Variants in OSTM1 observed in about 807,000 individuals in gnomAD.
The protein encoded by OSTM1 is osteopetrosis-associated transmembrane protein 1.
A neutral mutation model predicts 35.4 loss-of-function variants in OSTM1; 26 were observed. The observed-to-expected ratio is 0.73, with a 90% CI of 0.54 to 1.02. The LOEUF is 1.02. Among genes scored for constraint, OSTM1 ranks in the 50% least tolerant of loss-of-function variants. The pLI, the probability that OSTM1 is intolerant of heterozygous loss-of-function variation, is 0.00. For synonymous variants in OSTM1, 181 were observed against 165.0 expected, an observed-to-expected ratio of 1.10 and a Z score of -0.75; for missense variants, 366 against 409.6, an observed-to-expected ratio of 0.89 and a Z score of 0.92.
Position 108,058,901 on chromosome 6 carries a change from G to T in OSTM1, c.518-4314C>A, listed in dbSNP as rs573082431. Reference sequence around the variant, plus strand: ...AACTGAAAGTTAGTTTTCCTCTGATGAATCAGAATATACATCGGGATTACA... The same window carrying T: ...AACTGAAAGTTAGTTTTCCTCTGATTAATCAGAATATACATCGGGATTACA... On this transcript the variant is annotated intron_variant, in intron 2 of 5. Transcript: ENST00000193322. Among the ~76,000 whole-genome samples the T allele has an allele frequency of 4.0e-4, 61 of 152,300 alleles. 1 individual carries two copies. The South Asian group carries it at 0.012, about 29-fold the overall frequency.
chr6:108,074,735 C>G lies in OSTM1; in HGVS notation c.-84G>C. The G allele has an allele frequency of 7.2e-7, 1 of 1,387,776 alleles. No homozygotes were observed. Among genetic ancestry groups the G allele is most frequent in the Non-Finnish European group, 9.4e-7 (1 of 1,069,344 alleles). The allele number at this position is 1,387,776 out of a possible 1,614,324, so 86.0% of individuals were successfully genotyped here. A position where few individuals can be genotyped will look rare whatever the true frequency, so the allele number is the denominator to read the frequency against. On this transcript the variant is annotated 5_prime_UTR_variant, in exon 1 of 6. Coordinates refer to ENST00000193322, the MANE Select transcript of OSTM1 (RefSeq NM_014028.4). ...GCGGACAGCCGCCGCTTCCGGTTTC[C>G]GCGAGCGCAGGCCGAGAGCCGGGTC...
intron 4 of OSTM1, 88 bp downstream of exon 4, chr6:108,050,943 C>T: frequency 1.8e-6 from 2 of 1,110,134 alleles, no homozygotes; most frequent in Non-Finnish European, 2.7e-6. Flanking sequence ...TATGCAGATT[C>T]CACCCTATCA....
intron 5 of OSTM1, among the ~76,000 whole-genome samples, chr6:108,045,131 T>A (rs1392431537): frequency 1.3e-5 from 2 of 152,198 alleles, no homozygotes; most frequent in African/African-American, 4.8e-5. Context: ...GTGAAATAAA[T>A]GTACTTAGAC....
chr6:108,071,781 T>G (rs1217850582), intron 1 of OSTM1, among the ~76,000 whole-genome samples: 1 of 152,064 alleles, frequency 6.6e-6, no homozygotes, highest in Non-Finnish European at 1.5e-5. Context: ...TAGGATGAGT[T>G]GGAGAGAAAA....
chr6:108,049,519 A>C, intron 4 of OSTM1, 101 bp from the exon 5 acceptor site: 1 of 1,572,606 alleles, frequency 6.4e-7, no homozygotes, highest in South Asian at 1.2e-5. Context: ...TAGAATTTAG[A>C]CTCAATACAT....
chr6:108,055,927 T>C (rs955062877), intron 2 of OSTM1, among the ~76,000 whole-genome samples: 1 of 152,154 alleles, frequency 6.6e-6, no homozygotes, highest in Non-Finnish European at 1.5e-5. Context: ...CCACCTTATT[T>C]AGAAATTCAG....
At chr6:108,046,491 G>T (rs1771976473) in intron 5 of OSTM1, among the ~76,000 whole-genome samples, 1 of 147,050 alleles carries the variant, frequency 6.8e-6, no homozygotes, top group South Asian at 2.1e-4. Flanking sequence ...ACAGGCGTCT[G>T]CCACCACGCC....
At chr6:108,060,790 T>C (rs1772259360) in intron 2 of OSTM1, 1 of 152,164 alleles carries the variant, frequency 6.6e-6, no homozygotes, top group Non-Finnish European at 1.5e-5. Flanking sequence ...ATAAATTTAG[T>C]CACATCTGTC....
At chr6:108,061,353 CCTT>C (rs1195125722) in intron 2 of OSTM1, among the ~76,000 whole-genome samples, 27 of 152,214 alleles carry the variant, frequency 1.8e-4, no homozygotes, top group Admixed American at 9.8e-4. Flanking sequence ...TTTAATCTAT[CCTT>C]CTATTTCCAA....
At chr6:108,046,420 C>T (rs1771975446) in intron 5 of OSTM1, among the ~76,000 whole-genome samples, 1 of 150,548 alleles carries the variant, frequency 6.6e-6, no homozygotes, top group Admixed American at 6.6e-5. Flanking sequence ...CAGCTCACTG[C>T]AACCTCTGCC....
chr6:108,068,857 C>T (rs969008344), intron 1 of OSTM1, among the ~76,000 whole-genome samples: 4 of 152,166 alleles, frequency 2.6e-5, no homozygotes, highest in African/African-American at 9.7e-5. Context: ...CTTAACATAC[C>T]CTACAAGGCC....
Position 108,074,739 on chromosome 6 carries a change from A to T in OSTM1, c.-88T>A, listed in dbSNP as rs1352935324. ...ACAGCCGCCGCTTCCGGTTTCCGCG[A>T]GCGCAGGCCGAGAGCCGGGTCACGA... On this transcript the variant is annotated 5_prime_UTR_variant, in exon 1 of 6. Coordinates refer to ENST00000193322, the MANE Select transcript of OSTM1 (RefSeq NM_014028.4). 2 of 1,374,258 alleles carry T rather than the reference A, an allele frequency of 1.5e-6. No individual in the cohort carries two copies. Among genetic ancestry groups the T allele is most frequent in the Non-Finnish European group, 9.4e-7 (1 of 1,059,156 alleles). The allele number at this position is 1,374,258 out of a possible 1,614,324, so 85.1% of individuals were successfully genotyped here.
chr6:108,048,952 C>T (rs761758493), intron 5 of OSTM1, among the ~76,000 whole-genome samples: 13 of 151,886 alleles, frequency 8.6e-5, no homozygotes, highest in African/African-American at 2.9e-4. Flanking sequence ...GGGGTTTCAC[C>T]GTGTTAGCCA....
chr6:108,070,037 ATT>A (rs369002554), intron 1 of OSTM1, among the ~76,000 whole-genome samples: 1 of 147,932 alleles, frequency 6.8e-6, no homozygotes, highest in East Asian at 2.0e-4. Flanking sequence ...CTGTTCCGTC[ATT>A]TTTTTTTTCT....
intron 1 of OSTM1, among the ~76,000 whole-genome samples, chr6:108,066,737 A>T (rs542723483): frequency 7.9e-4 from 120 of 152,294 alleles, no homozygotes; most frequent in African/African-American, 2.7e-3. Context: ...GGAGATAAGA[A>T]AGAGAGGTCA....
At chr6:108,070,152 C>G (rs1772455384) in intron 1 of OSTM1, among the ~76,000 whole-genome samples, 1 of 152,174 alleles carries the variant, frequency 6.6e-6, no homozygotes, top group Non-Finnish European at 1.5e-5. Context: ...ATTCTCCCAC[C>G]TCAGCCTCCT....
intron 2 of OSTM1, among the ~76,000 whole-genome samples, chr6:108,059,253 C>T (rs1006715809): frequency 1.3e-5 from 2 of 152,176 alleles, no homozygotes; most frequent in African/African-American, 4.8e-5. Context: ...TCTGAGAAAC[C>T]TTTAATATAC....
At chr6:108,064,134 A>C (rs1421708707) in intron 2 of OSTM1, 51 bp downstream of exon 2, 1 of 904,728 alleles carries the variant, frequency 1.1e-6, no homozygotes, top group Non-Finnish European at 1.9e-6. Context: ...AAAATCTGAC[A>C]TCTGTACTAC....
Position 108,074,705 on chromosome 6 carries a change from G to A in OSTM1, c.-54C>T. 2 of 1,454,704 alleles carry A rather than the reference G, an allele frequency of 1.4e-6. No homozygotes were observed. The highest frequency in any genetic ancestry group is 2.8e-5 in the East Asian group (1 of 35,640). 90.1% of individuals were successfully genotyped at this position (1,454,704 alleles called of 1,614,324 possible). ...ACCGCCGCCTCTCCGCCCCCAGCCG[G>A]CACCGCGGACAGCCGCCGCTTCCGG... On this transcript the variant is annotated 5_prime_UTR_variant, in exon 1 of 6. Transcript: ENST00000193322.
Sources: gnomAD v4.1 joint callset for allele counts (sites outside exome capture counted in the v4.1 genomes callset) on GRCh38, gnomAD v4.1.1 for gene constraint, MANE v1.5 for transcripts, NCBI Gene and HGNC (gene_info 2026-07-23, HGNC 2026-07-21) for gene names.